Variants in ABCA13 observed in about 807,000 individuals in gnomAD.
The protein encoded by ABCA13 is ATP-binding cassette sub-family A member 13.
Under a neutral mutation model 478.7 loss-of-function variants are expected in ABCA13, and 476 were observed. The observed-to-expected ratio is 0.99, with a 90% CI of 0.92 to 1.07. The LOEUF is 1.07. Among genes scored for constraint, ABCA13 ranks in the 50% least tolerant of loss-of-function variants. The probability of loss-of-function intolerance (pLI) is 0.00; values close to 1 mark genes in which losing one functional copy is unlikely to be tolerated. For synonymous variants in ABCA13, 2,252 were observed against 2,158.9 expected (o/e 1.04, Z -1.20); for missense variants, 6,060 against 5,910.6 (o/e 1.03, Z -0.83).
At chr7:48,442,743 TG>T (rs1405254107) in intron 42 of ABCA13, among the ~76,000 whole-genome samples, 1 of 152,212 alleles carries the variant, frequency 6.6e-6, no homozygotes, top group African/African-American at 2.4e-5. Context: ...GGATGGGGCC[TG>T]AGAACTTGCA....
intron 26 of ABCA13, among the ~76,000 whole-genome samples, chr7:48,315,314 G>C (rs1023658169): frequency 6.6e-6 from 1 of 152,112 alleles, no homozygotes; most frequent in African/African-American, 2.4e-5. Context: ...CACATGTCGG[G>C]ATTTCTGAGT....
chr7:48,301,373 A>T (rs555095275), intron 23 of ABCA13, among the ~76,000 whole-genome samples: 2 of 152,204 alleles, frequency 1.3e-5, no homozygotes, highest in Admixed American at 6.5e-5. Flanking sequence ...GGCATAATTT[A>T]TGGAGAGGGA....
chr7:48,237,012 G>GTTTTTTTTTTTTTTT (rs35078208), intron 8 of ABCA13, among the ~76,000 whole-genome samples: 1 of 130,918 alleles, frequency 7.6e-6, no homozygotes, highest in African/African-American at 2.9e-5. Context: ...AGAGGGTAGG[G>GTTTTTTTTTTTTTTT]TTTTTTTTTT....
chr7:48,571,828 G>T (rs532852802), intron 55 of ABCA13, among the ~76,000 whole-genome samples: 1 of 152,224 alleles, frequency 6.6e-6, no homozygotes, highest in Non-Finnish European at 1.5e-5. Flanking sequence ...TAGAAGAGGT[G>T]GTAATGGGGA....
At chr7:48,468,357 C>T (rs768988248) in intron 44 of ABCA13, among the ~76,000 whole-genome samples, 1 of 152,330 alleles carries the variant, frequency 6.6e-6, no homozygotes, top group East Asian at 1.9e-4. Context: ...CTTTTCTCCT[C>T]TGTCCGTTCT....
Position 48,412,400 on chromosome 7 carries a change from A to G in ABCA13, c.12276A>G (p.Thr4092=). 6.2e-7 allele frequency: 1 copy of G among 1,613,476 alleles called. No individual in the cohort carries two copies. The highest frequency in any genetic ancestry group is 8.5e-7 in the Non-Finnish European group (1 of 1,179,774). The stretch of plus-strand genomic sequence containing the variant: ...ATCTGAAAGACATGGCTTGTGTTAC[A>G]TCCCTGATAAAGATCTATATTCCAC... ...AHDLKDMACV[T]SLIKIYIPQA... Residue 4092 remains threonine, a synonymous_variant, in exon 41 of 62, where the codon ACA becomes ACG. Coordinates refer to ENST00000435803, the MANE Select transcript of ABCA13 (RefSeq NM_152701.5).
chr7:48,520,119 G>C lies in ABCA13; in HGVS notation c.13876G>C (p.Glu4626Gln). ...ATTCTGTCTTGGTCAAGGACTGGTA[G>C]AACTCTGCTATAATCAGATCAAATA... ...PQFCLGQGLVELCYNQIKYDL... is the reference protein window; with the variant it reads ...PQFCLGQGLVQLCYNQIKYDL... The change falls in exon 53 of 62, where the codon GAA becomes CAA. Residue 4626 changes from glutamate to glutamine, a missense_variant. Physicochemically the swap from Glu to Gln is conservative, Grantham distance 29. This residue lies in a region of ABCA13 where 1,627 missense variants were observed against 1,571.0 expected (regional missense o/e 1.04). Transcript: ENST00000435803. 1 of 1,613,634 alleles carries C rather than the reference G, an allele frequency of 6.2e-7. No homozygotes were observed. The highest frequency in any genetic ancestry group is 1.7e-5 in the Admixed American group (1 of 59,996).
At chr7:48,377,238 T>C (rs907742265) in intron 35 of ABCA13, among the ~76,000 whole-genome samples, 2 of 151,322 alleles carry the variant, frequency 1.3e-5, no homozygotes, top group Non-Finnish European at 2.9e-5. Context: ...TTTTCCTAGC[T>C]GTTTTGGGAG....
intron 22 of ABCA13, among the ~76,000 whole-genome samples, chr7:48,297,560 G>A (rs1337000234): frequency 2.0e-5 from 3 of 152,048 alleles, no homozygotes; most frequent in South Asian, 2.1e-4. Context: ...TTGCCTCCTC[G>A]GACAAGCAAT....
intron 1 of ABCA13, among the ~76,000 whole-genome samples, chr7:48,183,985 T>C (rs1461795858): frequency 1.3e-5 from 2 of 152,222 alleles, no homozygotes; most frequent in African/African-American, 2.4e-5. Flanking sequence ...ACAGAATTAA[T>C]ATGGTTCAAT....
At chr7:48,321,966 C>A (rs370719098) in intron 27 of ABCA13, among the ~76,000 whole-genome samples, 1 of 152,218 alleles carries the variant, frequency 6.6e-6, no homozygotes, top group Non-Finnish European at 1.5e-5. Context: ...GCATTCACCC[C>A]AAAGAGCCTG....
At chr7:48,439,982 C>T (rs769849324) in intron 42 of ABCA13, among the ~76,000 whole-genome samples, 1 of 152,136 alleles carries the variant, frequency 6.6e-6, no homozygotes, top group Non-Finnish European at 1.5e-5. Flanking sequence ...TTATAACAAG[C>T]TAAACTGAAT....
At chr7:48,241,131 G>C in intron 10 of ABCA13, 65 bp downstream of exon 10, 3 of 1,548,016 alleles carry the variant, frequency 1.9e-6, no homozygotes, top group Non-Finnish European at 8.9e-7. Context: ...AAGAGTGCGT[G>C]ATGATACTGT....
At position 48,298,353 on chromosome 7, in the gene ABCA13, C is replaced by G. The variant is rs2128842433; in HGVS notation, c.9200-13C>G. On this transcript the variant is annotated splice_polypyrimidine_tract_variant and intron_variant, in intron 22 of 61. Coordinates refer to ENST00000435803, the MANE Select transcript of ABCA13 (RefSeq NM_152701.5). ...CTTTATTACACAAATTTCTTATTTT[C>G]CTTACTTTGCAGATGTAAAAATAAA... 1 of 1,595,036 alleles carries G rather than the reference C, an allele frequency of 6.3e-7. No homozygotes were observed. The highest frequency in any genetic ancestry group is 2.2e-5 in the East Asian group (1 of 44,726).
At chr7:48,369,552 T>G (rs1244903872) in intron 32 of ABCA13, among the ~76,000 whole-genome samples, 2 of 152,190 alleles carry the variant, frequency 1.3e-5, no homozygotes, top group Admixed American at 6.5e-5. Flanking sequence ...TTTATCCACC[T>G]TGAGTTGATT....
chr7:48,279,251 A>G lies in ABCA13; in HGVS notation c.8057A>G (p.Asn2686Ser). The G allele has an allele frequency of 6.3e-7, 1 of 1,588,740 alleles. No individual in the cohort carries two copies. Among genetic ancestry groups the G allele is most frequent in the Non-Finnish European group, 8.6e-7 (1 of 1,165,866 alleles). Residue 2686 changes from asparagine to serine, a missense_variant, in exon 18 of 62, where the codon AAC (asparagine) becomes AGC (serine). Asn to Ser is a conservative substitution (Grantham distance 46). This residue lies in a region of ABCA13 where 4,423 missense variants were observed against 4,309.1 expected (regional missense o/e 1.03). Coordinates refer to ENST00000435803, the MANE Select transcript of ABCA13 (RefSeq NM_152701.5). ...EILGCLVPIN[N>S]ITNQMDFLYP... ...CTGGGTTGCTTAGTTCCTATAAATA[A>G]CATCACCAACCAAATGGACTTCTTA...
At chr7:48,636,837 C>T (rs1794677658) in intron 59 of ABCA13, among the ~76,000 whole-genome samples, 1 of 152,112 alleles carries the variant, frequency 6.6e-6, no homozygotes, top group African/African-American at 2.4e-5. Flanking sequence ...TTGGAAAGTT[C>T]CAGGCACATT....
intron 3 of ABCA13, among the ~76,000 whole-genome samples, chr7:48,203,809 G>T (rs1027560280): frequency 3.3e-5 from 5 of 152,182 alleles, no homozygotes; most frequent in Non-Finnish European, 5.9e-5. Flanking sequence ...CCCATGCTGG[G>T]GCACTCCCAC....
chr7:48,296,705 G>GCC (rs1212109643), intron 21 of ABCA13, among the ~76,000 whole-genome samples: 1 of 151,888 alleles, frequency 6.6e-6, no homozygotes. Flanking sequence ...CTCATGATCC[G>GCC]CCCCCTTCGG....
Sources: gnomAD v4.1 joint callset for allele counts (sites outside exome capture counted in the v4.1 genomes callset) on GRCh38, gnomAD v4.1.1 for gene constraint, gnomAD v4.1.1 regional missense constraint, MANE v1.5 for transcripts, NCBI Gene and HGNC (gene_info 2026-07-23, HGNC 2026-07-21) for gene names.